The following NEDD4L variants were observed in gnomAD, a reference collection of about 807,000 sequenced individuals.
NEDD4L encodes the protein E3 ubiquitin-protein ligase NEDD4-like.
In NEDD4L, 54 loss-of-function variants were observed where a neutral mutation model predicts 148.9. The ratio of observed to expected loss-of-function variants is 0.36; its 90% CI spans 0.29 to 0.45. The LOEUF (loss-of-function observed/expected upper bound fraction) is 0.45, where lower values mean the gene tolerates loss of function less well. Among genes scored for constraint, NEDD4L ranks in the 20% least tolerant of loss-of-function variants. The pLI is 1.00. For missense variants in NEDD4L, 856 were observed against 1,233.8 expected, an observed-to-expected ratio of 0.69 and a Z score of 4.59; for synonymous variants, 433 against 440.7, an observed-to-expected ratio of 0.98 and a Z score of 0.22.
intron 1 of NEDD4L, among the ~76,000 whole-genome samples, chr18:58,100,228 T>C (rs911239505): frequency 4.6e-5 from 7 of 152,144 alleles, no homozygotes; most frequent in African/African-American, 1.4e-4. Flanking sequence ...GAGGACCACT[T>C]CCTTGGGCTA....
At chr18:58,232,522 T>C (rs2045365990) in intron 2 of NEDD4L, among the ~76,000 whole-genome samples, 1 of 152,192 alleles carries the variant, frequency 6.6e-6, no homozygotes. Context: ...TTCTTGATAG[T>C]GCATGGGCCC....
At chr18:58,280,864 A>T (rs561715201) in intron 5 of NEDD4L, among the ~76,000 whole-genome samples, 35 of 152,334 alleles carry the variant, frequency 2.3e-4, no homozygotes, top group African/African-American at 8.2e-4. Context: ...TTTAAAAATG[A>T]CTGATGTAAT....
At chr18:58,211,042 T>C (rs1273785739) in intron 2 of NEDD4L, among the ~76,000 whole-genome samples, 1 of 152,168 alleles carries the variant, frequency 6.6e-6, no homozygotes, top group African/African-American at 2.4e-5. Flanking sequence ...TAGTAGCCAT[T>C]CCTAATATAG....
rs530794537 is a variant in NEDD4L, at chr18:58,152,070, C to A, written c.49-13718C>A. On this transcript the variant is annotated intron_variant, in intron 1 of 30. Coordinates refer to ENST00000400345, the MANE Select transcript of NEDD4L (RefSeq NM_001144967.3). ...ACCTCCTATGAAAACAATTTAATTT[C>A]TTATTATGAAGGCATTACTCATGTT... Among the ~76,000 whole-genome samples, 5 of 151,674 alleles carry A rather than the reference C, an allele frequency of 3.3e-5. No individual in the cohort carries two copies. The East Asian group carries it at 9.7e-4, about 29-fold the overall frequency.
chr18:58,234,154 TTTC>T (rs1447044453), intron 2 of NEDD4L, among the ~76,000 whole-genome samples: 2 of 150,812 alleles, frequency 1.3e-5, no homozygotes, highest in African/African-American at 2.4e-5. Flanking sequence ...TCTCTCTTTC[TTTC>T]TTCTTTTTCT....
At chr18:58,162,296 G>T (rs1408925383) in intron 1 of NEDD4L, among the ~76,000 whole-genome samples, 5 of 151,972 alleles carry the variant, frequency 3.3e-5, no homozygotes, top group African/African-American at 1.2e-4. Flanking sequence ...TGTGGTCCTT[G>T]ACCCCATCAG....
intron 1 of NEDD4L, among the ~76,000 whole-genome samples, chr18:58,139,105 T>C (rs2033197803): frequency 6.6e-6 from 1 of 152,242 alleles, no homozygotes; most frequent in Non-Finnish European, 1.5e-5. Context: ...CTTGTACTTA[T>C]TTTTGATCAC....
At chr18:58,181,312 G>A (rs1319208017) in intron 2 of NEDD4L, among the ~76,000 whole-genome samples, 1 of 152,206 alleles carries the variant, frequency 6.6e-6, no homozygotes, top group African/African-American at 2.4e-5. Context: ...CAAATGAAGA[G>A]TACTGTATTC....
intron 1 of NEDD4L, among the ~76,000 whole-genome samples, chr18:58,093,268 T>TAA (rs2084188682): frequency 6.6e-6 from 1 of 152,226 alleles, no homozygotes; most frequent in Non-Finnish European, 1.5e-5. Flanking sequence ...ACATCTAGCA[T>TAA]GGTGCATTTC....
At chr18:58,242,426 C>G (rs1366797756) in intron 2 of NEDD4L, among the ~76,000 whole-genome samples, 1 of 152,128 alleles carries the variant, frequency 6.6e-6, no homozygotes, top group African/African-American at 2.4e-5. Context: ...GGTTAAGTAC[C>G]AGCTGAAAGG....
chr18:58,240,317 C>T (rs936178149), intron 2 of NEDD4L, among the ~76,000 whole-genome samples: 3 of 152,096 alleles, frequency 2.0e-5, no homozygotes, highest in African/African-American at 4.8e-5. Flanking sequence ...CTTCAGGGTG[C>T]ATTTTGGTGT....
chr18:58,191,453 C>G (rs1415604210), intron 2 of NEDD4L, among the ~76,000 whole-genome samples: 1 of 152,180 alleles, frequency 6.6e-6, no homozygotes, highest in Non-Finnish European at 1.5e-5. Flanking sequence ...GCCCCTATTT[C>G]AGAATCCAGA....
At chr18:58,311,215 A>G (rs955341167) in intron 5 of NEDD4L, among the ~76,000 whole-genome samples, 1 of 152,220 alleles carries the variant, frequency 6.6e-6, no homozygotes, top group African/African-American at 2.4e-5. Context: ...TCAAAATAGC[A>G]CATACCTGTG....
chr18:58,278,692 A>G (rs1002453919), intron 5 of NEDD4L, among the ~76,000 whole-genome samples: 3 of 152,076 alleles, frequency 2.0e-5, no homozygotes, highest in African/African-American at 7.2e-5. Context: ...CCTCATGTAC[A>G]GGCCTTCAGC....
chr18:58,329,066 C>G lies in NEDD4L; in HGVS notation c.752C>G (p.Ser251Cys). ...NQEAAHRRFR[S>C]RRHISEDLEP... ...GAGGCAGCACACCGGCGCTTCCGCT[C>G]CCGCAGGCACATCAGCGAAGACTTG... The change falls in exon 10 of 31, where the codon TCC becomes TGC. Residue 251 changes from serine (S) to cysteine (C), a missense_variant. Physicochemically the swap from Ser to Cys is moderately radical, Grantham distance 112 (BLOSUM62 -1). Around this residue, in one of 4 missense-constraint regions of NEDD4L, gnomAD observed 367 missense variants for 422.7 expected, o/e 0.87. Transcript: ENST00000400345. The G allele has an allele frequency of 6.2e-7, 1 of 1,614,030 alleles. No homozygotes were observed. The highest frequency in any genetic ancestry group is 8.5e-7 in the Non-Finnish European group (1 of 1,179,888).
chr18:58,093,522 A>G lies in NEDD4L; in HGVS notation c.48+48814A>G, dbSNP rs78767463. ...AGAGTTGTCTCTAGGTGGGGTAAATAAAACATCTCCCACCCCACCCAAATT... is the reference window on the plus strand; with the variant it reads ...AGAGTTGTCTCTAGGTGGGGTAAATGAAACATCTCCCACCCCACCCAAATT... On this transcript the variant is annotated intron_variant, in intron 1 of 30. Transcript: ENST00000400345. 6.8e-4 allele frequency among the ~76,000 whole-genome samples: 104 copies of G among 152,328 alleles called. 1 individual carries two copies. The highest frequency in any genetic ancestry group is 2.6e-4 in the Non-Finnish European group (18 of 68,024).
chr18:58,149,674 T>C, intron 1 of NEDD4L: 1 of 735,186 alleles, frequency 1.4e-6, no homozygotes, highest in Non-Finnish European at 2.4e-6. Context: ...CTCAAGATGC[T>C]GGAGCTGTTA....
At position 58,060,083 on chromosome 18, in the gene NEDD4L, G is replaced by T. The variant is rs144725281; in HGVS notation, c.48+15375G>T. ...AGCAGTCCGGTTGTAGACACCCGGAGTGGAACCATCACGCTGTGGTGTGTC... is the reference window on the plus strand; with the variant it reads ...AGCAGTCCGGTTGTAGACACCCGGATTGGAACCATCACGCTGTGGTGTGTC... On this transcript the variant is annotated intron_variant, in intron 1 of 30. Coordinates refer to ENST00000400345, the MANE Select transcript of NEDD4L (RefSeq NM_001144967.3). Among the ~76,000 whole-genome samples the T allele has an allele frequency of 7.1e-3, 1,050 of 147,990 alleles. 8 individuals are homozygous for T. Among genetic ancestry groups the T allele is most frequent in the African/African-American group, 0.025 (984 of 40,070 alleles).
chr18:58,073,832 GA>G (rs954348940), intron 1 of NEDD4L, among the ~76,000 whole-genome samples: 1 of 152,198 alleles, frequency 6.6e-6, no homozygotes, highest in African/African-American at 2.4e-5. Context: ...ATACATTTGA[GA>G]GGGGCAGACT....
Sources: gnomAD v4.1 joint callset for allele counts (sites outside exome capture counted in the v4.1 genomes callset) on GRCh38, gnomAD v4.1.1 for gene constraint, gnomAD v4.1.1 regional missense constraint, MANE v1.5 for transcripts, NCBI Gene and HGNC (gene_info 2026-07-23, HGNC 2026-07-21) for gene names.